Variants in SDK1 observed in about 807,000 individuals in gnomAD.
The protein encoded by SDK1 is protein sidekick-1.
In SDK1, 157 loss-of-function variants were observed where a neutral mutation model predicts 245.5. That is an observed-to-expected ratio of 0.64 (90% CI 0.56 to 0.73). The LOEUF (loss-of-function observed/expected upper bound fraction) is 0.73. Among genes scored for constraint, SDK1 ranks in the 30% least tolerant of loss-of-function variants. SDK1 has a pLI of 0.00. For missense variants in SDK1, 3,583 were observed against 3,002.3 expected (o/e 1.19, Z -4.52); for synonymous variants, 1,647 against 1,278.5 (o/e 1.29, Z -6.15).
intron 1 of SDK1, among the ~76,000 whole-genome samples, chr7:3,466,050 G>A (rs1323916593): frequency 6.6e-6 from 1 of 152,050 alleles, no homozygotes; most frequent in East Asian, 1.9e-4. Flanking sequence ...TCTCTTCTCA[G>A]ATGGGCAACT....
At chr7:3,724,719 T>C (rs1778958656) in intron 4 of SDK1, among the ~76,000 whole-genome samples, 1 of 152,230 alleles carries the variant, frequency 6.6e-6, no homozygotes, top group Non-Finnish European at 1.5e-5. Flanking sequence ...GCTTGGGTCC[T>C]GCAGTTGTAC....
chr7:3,919,141 G>A (rs971982098), intron 5 of SDK1, among the ~76,000 whole-genome samples: 1 of 151,974 alleles, frequency 6.6e-6, no homozygotes, highest in African/African-American at 2.4e-5. Context: ...ATCTCCCTCT[G>A]CCTCCTTTCA....
At chr7:3,328,206 C>T (rs889849845) in intron 1 of SDK1, among the ~76,000 whole-genome samples, 1 of 152,028 alleles carries the variant, frequency 6.6e-6, no homozygotes, top group Non-Finnish European at 1.5e-5. Flanking sequence ...GGCAAAATGA[C>T]AAATGATATT....
At chr7:3,693,774 C>T (rs1784498289) in intron 4 of SDK1, among the ~76,000 whole-genome samples, 1 of 152,132 alleles carries the variant, frequency 6.6e-6, no homozygotes, top group Non-Finnish European at 1.5e-5. Flanking sequence ...TAGATTCTGG[C>T]ACTGGCCTAT....
chr7:3,388,508 C>T (rs940391674), intron 1 of SDK1, among the ~76,000 whole-genome samples: 2 of 151,868 alleles, frequency 1.3e-5, no homozygotes, highest in African/African-American at 4.8e-5. Flanking sequence ...TCAAGCGATC[C>T]CCCCATCTTA....
intron 33 of SDK1, among the ~76,000 whole-genome samples, chr7:4,174,682 GC>G (rs1411856486): frequency 1.3e-5 from 2 of 152,142 alleles, no homozygotes; most frequent in Non-Finnish European, 2.9e-5. Context: ...GAGGCAGGGG[GC>G]CAGTAGGAAC....
chr7:3,307,243 A>C (rs7792929), intron 1 of SDK1, among the ~76,000 whole-genome samples: 1 of 151,524 alleles, frequency 6.6e-6, no homozygotes, highest in Non-Finnish European at 1.5e-5. Flanking sequence ...TCTTTTTTTT[A>C]AAAAAAGGGC....
At chr7:4,056,407 C>T (rs1779198197) in intron 19 of SDK1, among the ~76,000 whole-genome samples, 3 of 152,112 alleles carry the variant, frequency 2.0e-5, no homozygotes, top group African/African-American at 7.2e-5. Context: ...AGAACAAGAA[C>T]AGCAAGTAGG....
chr7:3,737,277 G>A (rs942641421), intron 4 of SDK1, among the ~76,000 whole-genome samples: 11 of 152,214 alleles, frequency 7.2e-5, no homozygotes, highest in Non-Finnish European at 1.5e-5. Context: ...TGGTCAATGG[G>A]GTTGCTGGTT....
At position 4,265,686 on chromosome 7, in the gene SDK1, C is replaced by T; in HGVS notation, c.*302C>T. The T allele has an allele frequency of 8.6e-7, 1 of 1,162,490 alleles. No individual in the cohort carries two copies. The highest frequency in any genetic ancestry group is 1.1e-6 in the Non-Finnish European group (1 of 947,224). The allele number at this position is 1,162,490 out of a possible 1,614,324, so 72.0% of individuals were successfully genotyped here. On this transcript the variant is annotated 3_prime_UTR_variant, in exon 45 of 45. Transcript: ENST00000404826. ...GGGGCCTGGGAGGACCTCAGACCTC[C>T]CCAGCCCTGGGTTTCTCCGTCTTCA...
intron 4 of SDK1, among the ~76,000 whole-genome samples, chr7:3,742,569 C>G (rs777387229): frequency 2.0e-5 from 3 of 152,298 alleles, no homozygotes; most frequent in East Asian, 1.9e-4. Context: ...AGTTCAAAGT[C>G]CATTTCCTTT....
chr7:3,524,223 T>G (rs1254586760), intron 1 of SDK1, among the ~76,000 whole-genome samples: 2 of 152,190 alleles, frequency 1.3e-5, no homozygotes, highest in East Asian at 3.9e-4. Flanking sequence ...CCAGTTTGTA[T>G]AGGGCTTTCT....
At chr7:3,547,979 C>T (rs957980143) in intron 1 of SDK1, among the ~76,000 whole-genome samples, 3 of 152,200 alleles carry the variant, frequency 2.0e-5, no homozygotes, top group Non-Finnish European at 4.4e-5. Flanking sequence ...ATTCTTCCTT[C>T]TGTTCTTTTG....
rs1782753217 is a variant in SDK1, at chr7:3,974,546, G to T, written c.1994+1G>T. ...CCAGGATGGCCCGGCTGGAAGTGAT[G>T]TGAGTACTGAGACGTTTGGTGTTAG... On this transcript the variant is annotated splice_donor_variant, in intron 13 of 44. Coordinates refer to ENST00000404826, the MANE Select transcript of SDK1 (RefSeq NM_152744.4). LOFTEE classifies it high-confidence loss of function. 2.5e-6 allele frequency: 4 copies of T among 1,613,892 alleles called. No individual in the cohort carries two copies. The Admixed American group carries it at 6.7e-5, about 27-fold the overall frequency.
chr7:3,308,489 T>A (rs1029738674), intron 1 of SDK1, among the ~76,000 whole-genome samples: 1 of 152,180 alleles, frequency 6.6e-6, no homozygotes, highest in Non-Finnish European at 1.5e-5. Flanking sequence ...TTTATTGATA[T>A]ACAGACAATG....
At chr7:3,545,384 A>G (rs1281469117) in intron 1 of SDK1, among the ~76,000 whole-genome samples, 1 of 152,176 alleles carries the variant, frequency 6.6e-6, no homozygotes, top group Non-Finnish European at 1.5e-5. Context: ...GAAAATGTTC[A>G]TCTTTCATGT....
At chr7:3,654,288 C>T (rs904966457) in intron 4 of SDK1, among the ~76,000 whole-genome samples, 1 of 152,160 alleles carries the variant, frequency 6.6e-6, no homozygotes, top group African/African-American at 2.4e-5. Context: ...CTGCTCTTAT[C>T]CTGGGGCAAA....
intron 4 of SDK1, among the ~76,000 whole-genome samples, chr7:3,667,836 T>A (rs1286390745): frequency 6.6e-6 from 1 of 152,224 alleles, no homozygotes; most frequent in African/African-American, 2.4e-5. Flanking sequence ...AGCTTGTTAT[T>A]CTATTCCCCA....
chr7:4,207,843 C>A (rs1784311448), intron 36 of SDK1, among the ~76,000 whole-genome samples: 1 of 152,200 alleles, frequency 6.6e-6, no homozygotes, highest in African/African-American at 2.4e-5. Flanking sequence ...CGAGGCAATG[C>A]TCATACTCTA....
Sources: allele counts gnomAD v4.1 joint callset (sites outside exome capture counted in the v4.1 genomes callset), GRCh38; gene constraint gnomAD v4.1.1; transcripts MANE v1.5; gene names NCBI Gene and HGNC (gene_info 2026-07-23, HGNC 2026-07-21).